The following TSPAN5 variants were observed in gnomAD, a reference collection of about 807,000 sequenced individuals.
TSPAN5 encodes tetraspanin-5.
In TSPAN5, 10 loss-of-function variants were observed where a neutral mutation model predicts 37.1. The ratio of observed to expected loss-of-function variants is 0.27; its 90% CI spans 0.17 to 0.46. TSPAN5 has a LOEUF of 0.46. Among genes scored for constraint, TSPAN5 ranks in the 20% least tolerant of loss-of-function variants. The pLI, the probability that TSPAN5 is intolerant of heterozygous loss-of-function variation, is 1.00. For missense variants in TSPAN5, 195 were observed against 326.6 expected (o/e 0.60, Z 3.11); for synonymous variants, 110 against 118.9 (o/e 0.93, Z 0.48).
chr4:98,642,073 C>T lies in TSPAN5; in HGVS notation c.81+16073G>A, dbSNP rs561958170. Among the ~76,000 whole-genome samples, 8 of 152,284 alleles carry T rather than the reference C, an allele frequency of 5.3e-5. No homozygotes were observed. The South Asian group carries it at 1.7e-3, about 32-fold the overall frequency. On this transcript the variant is annotated intron_variant, in intron 1 of 7. Coordinates refer to ENST00000305798, the MANE Select transcript of TSPAN5 (RefSeq NM_005723.4). ...GACCAATTAAAGCATAGTTCTAATA[C>T]TTGAGTGCTAAAAAGATTGGCCAAA...
chr4:98,610,231 G>A (rs929493834), intron 1 of TSPAN5, among the ~76,000 whole-genome samples: 1 of 152,222 alleles, frequency 6.6e-6, no homozygotes, highest in Non-Finnish European at 1.5e-5. Flanking sequence ...CAAAAGATGA[G>A]GGGCAGCAAG....
intron 1 of TSPAN5, among the ~76,000 whole-genome samples, chr4:98,606,917 A>G (rs1054390670): frequency 6.6e-6 from 1 of 152,168 alleles, no homozygotes; most frequent in African/African-American, 2.4e-5. Context: ...GGTGAAAGAA[A>G]GAGTACTTCC....
At chr4:98,542,887 A>C (rs1189500534) in intron 1 of TSPAN5, among the ~76,000 whole-genome samples, 1 of 152,188 alleles carries the variant, frequency 6.6e-6, no homozygotes, top group African/African-American at 2.4e-5. Flanking sequence ...CACCTTAAAA[A>C]AATGTAAATG....
intron 5 of TSPAN5, among the ~76,000 whole-genome samples, chr4:98,478,472 G>A: frequency 6.6e-6 from 1 of 152,170 alleles, no homozygotes; most frequent in East Asian, 1.9e-4. Context: ...CACACATAAA[G>A]GCTTAGAATA....
At chr4:98,571,834 G>A (rs1755128318) in intron 1 of TSPAN5, among the ~76,000 whole-genome samples, 1 of 152,180 alleles carries the variant, frequency 6.6e-6, no homozygotes, top group Admixed American at 6.5e-5. Flanking sequence ...CAAGAAACAA[G>A]TAACAATATG....
intron 1 of TSPAN5, among the ~76,000 whole-genome samples, chr4:98,627,880 G>GA (rs1560566007): frequency 6.6e-6 from 1 of 151,948 alleles, no homozygotes; most frequent in Non-Finnish European, 1.5e-5. Flanking sequence ...AAACAAGAGG[G>GA]AAAAAAACAA....
intron 1 of TSPAN5, among the ~76,000 whole-genome samples, chr4:98,527,031 G>T (rs1162805489): frequency 6.6e-6 from 1 of 152,126 alleles, no homozygotes; most frequent in Non-Finnish European, 1.5e-5. Context: ...ATTTTGTACT[G>T]TTTTTTGCCT....
At chr4:98,546,525 G>A (rs1754474895) in intron 1 of TSPAN5, among the ~76,000 whole-genome samples, 1 of 152,176 alleles carries the variant, frequency 6.6e-6, no homozygotes, top group African/African-American at 2.4e-5. Context: ...ATTGCCTTGT[G>A]AAACCTTTTT....
rs530308419 is a variant in TSPAN5 at position 98,638,373 on chromosome 4, G to A, written c.81+19773C>T. On this transcript the variant is annotated intron_variant, in intron 1 of 7. Coordinates refer to ENST00000305798, the MANE Select transcript of TSPAN5 (RefSeq NM_005723.4). ...TGTGAAGCCTTCATCAGGTCTAAGG[G>A]AGCTGAGATGCTCTGAGGAGCCACC... Among the ~76,000 whole-genome samples the A allele has an allele frequency of 1.8e-3, 276 of 152,216 alleles. 3 individuals carry two copies. Among genetic ancestry groups the A allele is most frequent in the African/African-American group, 5.8e-3 (241 of 41,536 alleles).
At chr4:98,545,471 T>G (rs1156489914) in intron 1 of TSPAN5, among the ~76,000 whole-genome samples, 2 of 152,244 alleles carry the variant, frequency 1.3e-5, no homozygotes, top group Admixed American at 6.5e-5. Flanking sequence ...TATATATTTT[T>G]TCATTTAACC....
chr4:98,576,087 T>C (rs1210701297), intron 1 of TSPAN5, among the ~76,000 whole-genome samples: 1 of 152,010 alleles, frequency 6.6e-6, no homozygotes, highest in East Asian at 1.9e-4. Flanking sequence ...ATAATAATAA[T>C]AAAGGTTATT....
intron 5 of TSPAN5, among the ~76,000 whole-genome samples, chr4:98,478,054 T>C (rs186311679): frequency 3.8e-4 from 58 of 152,308 alleles, no homozygotes; most frequent in Non-Finnish European, 1.3e-4. Flanking sequence ...TACAAATAGA[T>C]TTTATATTTT....
chr4:98,476,610 T>A, intron 5 of TSPAN5, 150 bp from the exon 6 acceptor site: 1 of 671,274 alleles, frequency 1.5e-6, no homozygotes, highest in Non-Finnish European at 2.6e-6. Flanking sequence ...TTTATATACA[T>A]GATCCCATGT....
intron 7 of TSPAN5, among the ~76,000 whole-genome samples, chr4:98,473,917 G>A (rs1445234474): frequency 6.6e-6 from 1 of 152,098 alleles, no homozygotes. Flanking sequence ...AAGTCACCAT[G>A]CCTGGCTGCC....
At chr4:98,480,104 C>T (rs1265304973) in intron 4 of TSPAN5, among the ~76,000 whole-genome samples, 1 of 152,174 alleles carries the variant, frequency 6.6e-6, no homozygotes, top group East Asian at 1.9e-4. Context: ...TCTCGACCTG[C>T]CGATCCGCCT....
chr4:98,618,972 T>C (rs1756413420), intron 1 of TSPAN5, among the ~76,000 whole-genome samples: 1 of 152,120 alleles, frequency 6.6e-6, no homozygotes, highest in South Asian at 2.1e-4. Flanking sequence ...TTTTTTAAAC[T>C]GGGGAGCCAA....
chr4:98,551,649 G>A (rs1227874041), intron 1 of TSPAN5, among the ~76,000 whole-genome samples: 7 of 102,724 alleles, frequency 6.8e-5, no homozygotes, highest in South Asian at 8.4e-4. Context: ...GTACCATCAC[G>A]CCCAGCTAAT....
In TSPAN5 at chr4:98,658,438, G is replaced by A. The variant is rs1757340016; in HGVS notation, c.-212C>T. On this transcript the variant is annotated 5_prime_UTR_variant, in exon 1 of 8. Transcript: ENST00000305798. ...GCGCGCCGAGGCCGCCGGAGCCGGG[G>A]TGGCCGCGAGAAAGCAGGGAAGCCG... 1 of 314,054 alleles carries A rather than the reference G, an allele frequency of 3.2e-6. No individual in the cohort carries two copies. The highest frequency in any genetic ancestry group is 5.7e-6 in the Non-Finnish European group (1 of 174,106). 19.5% of individuals were successfully genotyped at this position (314,054 alleles called of 1,614,324 possible).
intron 1 of TSPAN5, among the ~76,000 whole-genome samples, chr4:98,525,186 A>G (rs1253097367): frequency 6.6e-6 from 1 of 152,220 alleles, no homozygotes; most frequent in Non-Finnish European, 1.5e-5. Flanking sequence ...AAATCTTATC[A>G]CTAGGTTCTC....
Sources: allele counts gnomAD v4.1 joint callset (sites outside exome capture counted in the v4.1 genomes callset), GRCh38; gene constraint gnomAD v4.1.1; transcripts MANE v1.5; gene names NCBI Gene and HGNC (gene_info 2026-07-23, HGNC 2026-07-21).